Variants in RBFOX1 observed in about 807,000 individuals in gnomAD.
RBFOX1 encodes RNA binding fox-1 homolog 1.
A neutral mutation model predicts 57.7 loss-of-function variants in RBFOX1; 8 were observed. The observed-to-expected ratio is 0.14, with a 90% CI of 0.08 to 0.25. The LOEUF (loss-of-function observed/expected upper bound fraction) is 0.25, where lower values mean the gene tolerates loss of function less well. Among genes scored for constraint, RBFOX1 ranks in the 10% least tolerant of loss-of-function variants. The probability of loss-of-function intolerance (pLI) is 1.00; values close to 1 mark genes in which losing one functional copy is unlikely to be tolerated. For missense variants in RBFOX1, 611 were observed against 548.5 expected (o/e 1.11, Z -1.14); for synonymous variants, 326 against 222.4 (o/e 1.47, Z -4.15).
intron 4 of RBFOX1, among the ~76,000 whole-genome samples, chr16:7,373,603 T>C (rs1375615874): frequency 2.0e-5 from 3 of 151,868 alleles, no homozygotes; most frequent in African/African-American, 7.2e-5. Flanking sequence ...CAGTCTATAA[T>C]TGTCAGAAAT....
intron 4 of RBFOX1, among the ~76,000 whole-genome samples, chr16:5,898,224 C>T (rs1225864025): frequency 6.6e-6 from 1 of 152,120 alleles, no homozygotes; most frequent in Non-Finnish European, 1.5e-5. Context: ...AGGGTAACTT[C>T]CCCCATGATT....
intron 2 of RBFOX1, among the ~76,000 whole-genome samples, chr16:6,336,149 A>C (rs949465325): frequency 1.8e-5 from 1 of 57,090 alleles, no homozygotes; most frequent in Admixed American, 2.0e-4. Flanking sequence ...ATATATATAC[A>C]TATACATATA....
intron 1 of RBFOX1, among the ~76,000 whole-genome samples, chr16:6,200,848 A>G (rs1370357024): frequency 6.6e-6 from 1 of 151,998 alleles, no homozygotes; most frequent in Non-Finnish European, 1.5e-5. Context: ...TTGACGTAGC[A>G]GGTAAGTGTT....
chr16:6,089,726 C>T (rs2152528126), intron 1 of RBFOX1, among the ~76,000 whole-genome samples: 1 of 152,214 alleles, frequency 6.6e-6, no homozygotes, highest in South Asian at 2.1e-4. Context: ...ACGGGTAAGT[C>T]ACTGGAAAGG....
chr16:6,885,419 A>T (rs1231242051), intron 3 of RBFOX1, among the ~76,000 whole-genome samples: 1 of 152,244 alleles, frequency 6.6e-6, no homozygotes, highest in Non-Finnish European at 1.5e-5. Context: ...AACCCATTTT[A>T]ATAACAGCTG....
At chr16:6,475,852 T>C (rs1279461916) in intron 2 of RBFOX1, among the ~76,000 whole-genome samples, 5 of 152,340 alleles carry the variant, frequency 3.3e-5, no homozygotes, top group Middle Eastern at 6.8e-3. Context: ...CCATAACTTC[T>C]AGCAGAAAGG....
At chr16:7,411,977 G>A (rs1231802937) in intron 4 of RBFOX1, among the ~76,000 whole-genome samples, 1 of 151,492 alleles carries the variant, frequency 6.6e-6, no homozygotes, top group East Asian at 1.9e-4. Context: ...TCAGAGTCAC[G>A]GCCGCCCAGA....
intron 3 of RBFOX1, among the ~76,000 whole-genome samples, chr16:6,806,637 C>A (rs780133508): frequency 6.6e-6 from 1 of 151,510 alleles, no homozygotes; most frequent in Non-Finnish European, 1.5e-5. Flanking sequence ...CTTTTACCTA[C>A]ACGCGGTAAC....
intron 2 of RBFOX1, among the ~76,000 whole-genome samples, chr16:6,523,867 T>A (rs1304044467): frequency 6.6e-6 from 1 of 152,202 alleles, no homozygotes; most frequent in Non-Finnish European, 1.5e-5. Context: ...TTTTTATATT[T>A]AATTTTTATG....
rs566367049 is a variant in RBFOX1 at position 7,451,839 on chromosome 16, A to G, written c.28-66308A>G. On this transcript the variant is annotated intron_variant, in intron 4 of 15. Coordinates refer to ENST00000550418, the MANE Select transcript of RBFOX1 (RefSeq NM_018723.4). ...TTCTCACCTCCCAGTTCCCTAATCTAATTTATCTCAGTGGGGTTTGTGGGG... is the reference window on the plus strand; with the variant it reads ...TTCTCACCTCCCAGTTCCCTAATCTGATTTATCTCAGTGGGGTTTGTGGGG... 2.6e-5 allele frequency among the ~76,000 whole-genome samples: 4 copies of G among 152,120 alleles called. No individual in the cohort carries two copies. The East Asian group carries it at 7.7e-4, about 29-fold the overall frequency.
intron 3 of RBFOX1, among the ~76,000 whole-genome samples, chr16:5,684,160 A>G (rs976321716): frequency 6.6e-5 from 10 of 152,322 alleles, no homozygotes; most frequent in African/African-American, 2.2e-4. Context: ...ATCTCATCCT[A>G]TATCTAAAAA....
intron 1 of RBFOX1, among the ~76,000 whole-genome samples, chr16:5,432,330 A>G (rs2067764373): frequency 1.0e-5 from 1 of 96,538 alleles, no homozygotes; most frequent in African/African-American, 4.4e-5. Context: ...TGTTGCCGCT[A>G]ACCAAATTAG....
chr16:5,812,748 C>T (rs1395173338), intron 3 of RBFOX1, among the ~76,000 whole-genome samples: 2 of 152,162 alleles, frequency 1.3e-5, no homozygotes, highest in African/African-American at 2.4e-5. Context: ...AGGCATGATC[C>T]ACCACCTTGC....
At chr16:5,758,452 A>G (rs1244510554) in intron 3 of RBFOX1, among the ~76,000 whole-genome samples, 1 of 152,192 alleles carries the variant, frequency 6.6e-6, no homozygotes, top group Non-Finnish European at 1.5e-5. Flanking sequence ...TGGCCTCAGC[A>G]ATTAACCCCA....
At chr16:6,359,006 G>C (rs934918065) in intron 2 of RBFOX1, among the ~76,000 whole-genome samples, 31 of 152,302 alleles carry the variant, frequency 2.0e-4, no homozygotes, top group African/African-American at 7.0e-4. Flanking sequence ...GGTTTGGTTT[G>C]AGTTCCTTCC....
chr16:6,760,380 C>T (rs894094746), intron 3 of RBFOX1, among the ~76,000 whole-genome samples: 1 of 152,156 alleles, frequency 6.6e-6, no homozygotes, highest in African/African-American at 2.4e-5. Context: ...AAATGGAATT[C>T]TTCAACATCT....
intron 2 of RBFOX1, among the ~76,000 whole-genome samples, chr16:6,532,388 A>G (rs1021900499): frequency 1.3e-5 from 2 of 152,124 alleles, no homozygotes; most frequent in Non-Finnish European, 2.9e-5. Context: ...GAGCTGCCCT[A>G]GGCTGTACTC....
intron 5 of RBFOX1, among the ~76,000 whole-genome samples, chr16:7,555,266 A>G (rs1402639373): frequency 1.3e-5 from 2 of 152,210 alleles, no homozygotes; most frequent in Admixed American, 1.3e-4. Flanking sequence ...TTTCTGTTGC[A>G]GCAAAAGGCA....
intron 1 of RBFOX1, among the ~76,000 whole-genome samples, chr16:5,405,366 A>G (rs1157605743): frequency 6.6e-6 from 1 of 152,230 alleles, no homozygotes; most frequent in Non-Finnish European, 1.5e-5. Context: ...AGTAAGTCTC[A>G]TGTGATCCGA....
Sources: allele counts gnomAD v4.1 joint callset (sites outside exome capture counted in the v4.1 genomes callset), GRCh38; gene constraint gnomAD v4.1.1; transcripts MANE v1.5; gene names NCBI Gene and HGNC (gene_info 2026-07-23, HGNC 2026-07-21).